The following PCBP2 variants were observed in gnomAD, a reference collection of about 807,000 sequenced individuals.
The protein encoded by PCBP2 is poly(rC) binding protein 2.
PCBP2 carries 4 observed loss-of-function variants against 50.1 expected under a neutral mutation model. The ratio of observed to expected loss-of-function variants is 0.08; its 90% CI spans 0.04 to 0.18. The LOEUF (loss-of-function observed/expected upper bound fraction) is 0.18, where lower values mean the gene tolerates loss of function less well. PCBP2 is among the 10% of genes least tolerant of loss of function. PCBP2 has a pLI of 1.00. For synonymous variants in PCBP2, 179 were observed against 168.0 expected (o/e 1.07, Z -0.51); for missense variants, 161 against 474.3 (o/e 0.34, Z 6.14).
intron 8 of PCBP2, among the ~76,000 whole-genome samples, chr12:53,463,364 A>G (rs1941587321): frequency 6.6e-6 from 1 of 152,332 alleles, no homozygotes; most frequent in East Asian, 1.9e-4. Flanking sequence ...ATCAGGTTTT[A>G]AAATACAGTT....
chr12:53,455,026 G>T (rs1940885244), intron 2 of PCBP2, among the ~76,000 whole-genome samples, 157 bp downstream of exon 2: 1 of 152,192 alleles, frequency 6.6e-6, no homozygotes, highest in Non-Finnish European at 1.5e-5. Flanking sequence ...TGGGAAAATG[G>T]ACAGACTTGA....
intron 8 of PCBP2, among the ~76,000 whole-genome samples, chr12:53,462,799 G>T (rs1349391364): frequency 2.6e-5 from 4 of 152,236 alleles, no homozygotes; most frequent in Admixed American, 6.5e-5. Context: ...TGTGGGTTGG[G>T]TTAGAATATA....
At chr12:53,477,665 CAAAAAAAAAAAAAAAA>C (rs61213286) in intron 14 of PCBP2, among the ~76,000 whole-genome samples, 9 of 52,886 alleles carry the variant, frequency 1.7e-4, no homozygotes, top group African/African-American at 6.1e-4. Flanking sequence ...GACTCTGTCT[CAAAAAAAAAAAAAAAA>C]AAAAAAAAAA....
At chr12:53,468,301 G>GACC in intron 12 of PCBP2, 1 of 195,972 alleles carries the variant, frequency 5.1e-6, no homozygotes, top group Non-Finnish European at 1.0e-5. Flanking sequence ...ATAGGGGGTG[G>GACC]AGGGGATTAA....
chr12:53,456,732 G>A (rs934126469), intron 5 of PCBP2, among the ~76,000 whole-genome samples: 3 of 152,126 alleles, frequency 2.0e-5, no homozygotes, highest in Admixed American at 6.5e-5. Context: ...AAAATACACC[G>A]GAGGTTTTAT....
intron 5 of PCBP2, among the ~76,000 whole-genome samples, chr12:53,457,693 C>T (rs1181747979): frequency 6.6e-6 from 1 of 152,062 alleles, no homozygotes; most frequent in Admixed American, 6.5e-5. Context: ...AGAGTACAAA[C>T]TGTTTATTCC....
intron 14 of PCBP2, chr12:53,475,702 G>A (rs1018727646): frequency 7.2e-5 from 11 of 152,414 alleles, no homozygotes; most frequent in African/African-American, 2.4e-4. Context: ...CTTGTGACTT[G>A]TGGCTATTCA....
At chr12:53,473,419 A>G in intron 14 of PCBP2, among the ~76,000 whole-genome samples, 1 of 152,216 alleles carries the variant, frequency 6.6e-6, no homozygotes. Flanking sequence ...TTGGAGGGCA[A>G]GAAGTTTTCA....
intron 8 of PCBP2, among the ~76,000 whole-genome samples, chr12:53,463,399 A>T (rs1260954417): frequency 6.6e-6 from 1 of 152,072 alleles, no homozygotes; most frequent in Non-Finnish European, 1.5e-5. Flanking sequence ...TCCACCTTCA[A>T]CCTACCTCAG....
At chr12:53,464,005 A>C (rs1481431229) in intron 8 of PCBP2, among the ~76,000 whole-genome samples, 1 of 152,248 alleles carries the variant, frequency 6.6e-6, no homozygotes, top group Non-Finnish European at 1.5e-5. Flanking sequence ...ACCTTGAGTC[A>C]GTTTAGTACC....
At chr12:53,452,484 C>G (rs955261784) in intron 1 of PCBP2, 108 bp downstream of exon 1, 3 of 151,294 alleles carry the variant, frequency 2.0e-5, no homozygotes, top group African/African-American at 7.3e-5. Flanking sequence ...CTCGCGTAGT[C>G]CCGCGTGAGC....
intron 13 of PCBP2, 85 bp downstream of exon 13, chr12:53,468,917 C>CCT (rs1942000047): frequency 5.2e-6 from 3 of 574,582 alleles, no homozygotes; most frequent in Non-Finnish European, 8.7e-6. Flanking sequence ...TCCTGCTACC[C>CCT]TTTTTTTTTT....
At chr12:53,458,269 G>A (rs1019911782) in intron 5 of PCBP2, among the ~76,000 whole-genome samples, 18 of 150,802 alleles carry the variant, frequency 1.2e-4, no homozygotes. Flanking sequence ...TGTAAATAGG[G>A]TTGCATTGTT....
Position 53,479,668 on chromosome 12 carries a change from C to CTGGTTTTTTTTTT in PCBP2, c.*228_*240dup, listed in dbSNP as rs1942922056. ...CATATTTAGTTTTATAAGCTTCTCCCTGGTTTTTTTTTTTTGGCTCATGAA... is the reference window on the plus strand; with the variant it reads ...CATATTTAGTTTTATAAGCTTCTCCCTGGTTTTTTTTTTTGGTTTTTTTTTTTTGGCTCATGAA... On this transcript the variant is annotated 3_prime_UTR_variant, in exon 15 of 15. Coordinates refer to ENST00000546463, the MANE Select transcript of PCBP2 (RefSeq NM_031989.5). The CTGGTTTTTTTTTT allele has an allele frequency of 2.9e-5, 4 of 136,748 alleles. No homozygotes were observed. The highest frequency in any genetic ancestry group is 1.4e-4 in the East Asian group (1 of 7,038). 8.5% of individuals were successfully genotyped at this position (136,748 alleles called of 1,614,324 possible).
At chr12:53,472,439 G>C (rs1942305864) in intron 14 of PCBP2, among the ~76,000 whole-genome samples, 1 of 152,092 alleles carries the variant, frequency 6.6e-6, no homozygotes, top group Admixed American at 6.5e-5. Flanking sequence ...TCCATAGCTA[G>C]GTAGTGTTAC....
chr12:53,460,519 T>G, intron 6 of PCBP2: 1 of 208,782 alleles, frequency 4.8e-6, no homozygotes, highest in Non-Finnish European at 1.0e-5. Context: ...GTTACTGAAT[T>G]TGGTGTTGGA....
rs557980143 is a variant in PCBP2, at chr12:53,461,006, A to T, written c.376-9A>T. 3 of 1,612,456 alleles carry T rather than the reference A, an allele frequency of 1.9e-6. No individual in the cohort carries two copies. In the South Asian group the frequency reaches 3.3e-5, roughly 18 times the overall value. On this transcript the variant is annotated splice_polypyrimidine_tract_variant and intron_variant, in intron 6 of 14. Transcript: ENST00000546463. The stretch of plus-strand genomic sequence containing the variant: ...TTTCTCTGATTTTGAATTTCTTTTT[A>T]CTCCAAAGAGTACAGGGGCTCAGGT...
intron 6 of PCBP2, chr12:53,460,306 AT>A: frequency 9.5e-6 from 3 of 314,270 alleles, no homozygotes; most frequent in East Asian, 1.0e-4. Context: ...TGCCCGGCTA[AT>A]TTTTCTTCTT....
chr12:53,467,892 T>A, intron 12 of PCBP2, 49 bp downstream of exon 12: 1 of 1,354,936 alleles, frequency 7.4e-7, no homozygotes, highest in Non-Finnish European at 1.1e-6. Flanking sequence ...GTTATATTAA[T>A]AAACTGGTGG....
Sources: allele counts gnomAD v4.1 joint callset (sites outside exome capture counted in the v4.1 genomes callset), GRCh38; gene constraint gnomAD v4.1.1; transcripts MANE v1.5; gene names NCBI Gene and HGNC (gene_info 2026-07-23, HGNC 2026-07-21).